Variants in AFF1 observed in about 807,000 individuals in gnomAD.
AFF1 encodes the protein ALF transcription elongation factor 1.
A neutral mutation model predicts 121.7 loss-of-function variants in AFF1; 48 were observed. The ratio of observed to expected loss-of-function variants is 0.39; its 90% confidence interval spans 0.31 to 0.50. AFF1 has a LOEUF of 0.50. AFF1 is among the 20% of genes least tolerant of loss of function. The pLI is 0.76. For synonymous variants in AFF1, 613 were observed against 563.0 expected (o/e 1.09, Z -1.26); for missense variants, 1,523 against 1,511.7 (o/e 1.01, Z -0.12).
intron 5 of AFF1, among the ~76,000 whole-genome samples, chr4:87,088,407 G>C (rs1723948752): frequency 6.6e-6 from 1 of 152,242 alleles, no homozygotes; most frequent in Non-Finnish European, 1.5e-5. Flanking sequence ...GGCAACGGGA[G>C]ACCTGCACAT....
chr4:86,952,773 C>T (rs1028278876), intron 2 of AFF1, among the ~76,000 whole-genome samples: 4 of 151,418 alleles, frequency 2.6e-5, no homozygotes, highest in African/African-American at 4.8e-5. Flanking sequence ...CTCTGCCTCC[C>T]GGGTTCAAGC....
intron 2 of AFF1, among the ~76,000 whole-genome samples, chr4:86,987,379 C>T (rs1724371102): frequency 6.6e-6 from 1 of 152,132 alleles, no homozygotes; most frequent in Admixed American, 6.5e-5. Context: ...GGAAGTTGCT[C>T]TGTACCCTCT....
At chr4:87,117,493 A>G (rs1336111078) in intron 12 of AFF1, among the ~76,000 whole-genome samples, 1 of 152,090 alleles carries the variant, frequency 6.6e-6, no homozygotes, top group Admixed American at 6.6e-5. Context: ...CCCAACCCCC[A>G]TTGGTATTTT....
intron 8 of AFF1, among the ~76,000 whole-genome samples, chr4:87,097,571 A>T (rs368465135): frequency 6.6e-6 from 1 of 152,242 alleles, no homozygotes; most frequent in African/African-American, 2.4e-5. Flanking sequence ...TACATATAAA[A>T]TTATCTAGGA....
chr4:86,963,275 A>G (rs1722280682), intron 2 of AFF1, among the ~76,000 whole-genome samples: 1 of 151,680 alleles, frequency 6.6e-6, no homozygotes, highest in African/African-American at 2.4e-5. Context: ...GAAATCATAT[A>G]TTTCCTTCAG....
At chr4:86,977,630 G>T (rs183238227) in intron 2 of AFF1, among the ~76,000 whole-genome samples, 40 of 152,178 alleles carry the variant, frequency 2.6e-4, no homozygotes, top group South Asian at 1.5e-3. Context: ...CTCTGCTGTG[G>T]CGTTTTCCTA....
intron 4 of AFF1, among the ~76,000 whole-genome samples, chr4:87,067,575 T>C (rs1168191824): frequency 6.6e-6 from 1 of 152,198 alleles, no homozygotes; most frequent in Non-Finnish European, 1.5e-5. Flanking sequence ...TTCAGGGGCA[T>C]TGCTAAATGC....
chr4:87,006,962 C>T (rs1726195252), intron 2 of AFF1: 2 of 1,038,446 alleles, frequency 1.9e-6, no homozygotes, highest in African/African-American at 3.4e-5. Flanking sequence ...TCCCGGCGGA[C>T]TCGGACAACT....
chr4:87,045,940 C>T (rs1024620977), intron 2 of AFF1, among the ~76,000 whole-genome samples: 3 of 152,082 alleles, frequency 2.0e-5, no homozygotes, highest in South Asian at 2.1e-4. Context: ...AGAGTGAATG[C>T]TTGGGTTTTG....
intron 4 of AFF1, among the ~76,000 whole-genome samples, chr4:87,054,589 C>G (rs930865791): frequency 6.6e-6 from 1 of 152,144 alleles, no homozygotes; most frequent in Non-Finnish European, 1.5e-5. Context: ...CTGGGCAGAC[C>G]TACATGACCT....
intron 17 of AFF1, 138 bp from the exon 18 acceptor site, chr4:87,131,655 T>C: frequency 1.4e-6 from 1 of 731,264 alleles, no homozygotes; most frequent in Non-Finnish European, 2.2e-6. Context: ...TCTAAAGCCT[T>C]GGGTTTTTAA....
intron 2 of AFF1, among the ~76,000 whole-genome samples, chr4:87,009,079 T>C (rs1239594360): frequency 6.6e-6 from 1 of 152,196 alleles, no homozygotes; most frequent in African/African-American, 2.4e-5. Flanking sequence ...ATGCCAGCGC[T>C]CTTAAACTAA....
chr4:87,033,928 G>T (rs1482897615), intron 2 of AFF1, among the ~76,000 whole-genome samples: 1 of 152,138 alleles, frequency 6.6e-6, no homozygotes, highest in East Asian at 1.9e-4. Context: ...GACCTGATGG[G>T]TTAGTGCTGG....
At chr4:86,984,321 ATTT>A (rs1165178647) in intron 2 of AFF1, among the ~76,000 whole-genome samples, 1 of 132,256 alleles carries the variant, frequency 7.6e-6, no homozygotes, top group South Asian at 2.4e-4. Flanking sequence ...TCCAAGTGAC[ATTT>A]TTTTTTCTTT....
chr4:87,102,721 A>G (rs944988919), intron 8 of AFF1, among the ~76,000 whole-genome samples: 7 of 152,222 alleles, frequency 4.6e-5, no homozygotes, highest in Admixed American at 3.9e-4. Context: ...AAAAAAATTT[A>G]TAGGTGAGAA....
chr4:86,995,769 G>A (rs1300422031), intron 2 of AFF1, among the ~76,000 whole-genome samples: 6 of 151,800 alleles, frequency 4.0e-5, no homozygotes, highest in East Asian at 2.0e-4. Context: ...CTGCCAGGCC[G>A]CCCATCGTCT....
At chr4:87,107,685 A>G (rs754461682) in intron 10 of AFF1, among the ~76,000 whole-genome samples, 19 of 152,260 alleles carry the variant, frequency 1.2e-4, no homozygotes, top group Non-Finnish European at 2.8e-4. Flanking sequence ...AGCAAACTTA[A>G]AAGGATCAGA....
intron 2 of AFF1, among the ~76,000 whole-genome samples, chr4:86,955,373 G>C (rs1260370175): frequency 6.6e-6 from 1 of 152,146 alleles, no homozygotes; most frequent in Non-Finnish European, 1.5e-5. Flanking sequence ...CTTCATCTTT[G>C]AATAGTGCTT....
At chr4:87,037,276 T>G (rs1213741663) in intron 2 of AFF1, among the ~76,000 whole-genome samples, 1 of 152,190 alleles carries the variant, frequency 6.6e-6, no homozygotes, top group Non-Finnish European at 1.5e-5. Context: ...ACATCACCAC[T>G]TAACATTCTG....
Sources: gnomAD v4.1 joint callset for allele counts (sites outside exome capture counted in the v4.1 genomes callset) on GRCh38, gnomAD v4.1.1 for gene constraint, MANE v1.5 for transcripts, NCBI Gene and HGNC (gene_info 2026-07-23, HGNC 2026-07-21) for gene names.